RPTOR: variants seen among roughly 807,000 people sequenced by gnomAD.
RPTOR encodes regulatory associated protein of MTOR complex 1.
RPTOR carries 21 observed loss-of-function variants against 169.9 expected under a neutral mutation model. The observed-to-expected ratio is 0.12, with a 90% confidence interval of 0.09 to 0.18. RPTOR has a LOEUF of 0.18. RPTOR is among the 10% of genes least tolerant of loss of function. The probability of loss-of-function intolerance (pLI) is 1.00; values close to 1 mark genes in which losing one functional copy is unlikely to be tolerated. For synonymous variants in RPTOR, 732 were observed against 753.2 expected, an observed-to-expected ratio of 0.97 and a Z score of 0.46; for missense variants, 1,133 against 1,855.9, an observed-to-expected ratio of 0.61 and a Z score of 7.16.
At chr17:80,639,843 A>C (rs1461138713) in intron 2 of RPTOR, among the ~76,000 whole-genome samples, 1 of 152,232 alleles carries the variant, frequency 6.6e-6, no homozygotes, top group Admixed American at 6.5e-5. Flanking sequence ...TGGGTAATCA[A>C]ACTGGGTACA....
At chr17:80,883,329 A>G (rs976340928) in intron 14 of RPTOR, 90 bp from the exon 15 acceptor site, 30 of 1,156,686 alleles carry the variant, frequency 2.6e-5, no homozygotes, top group Non-Finnish European at 3.7e-5. Flanking sequence ...CACGCGTGTC[A>G]TGAAGATTCC....
rs1449180843 is a variant in RPTOR at position 80,544,874 on chromosome 17, G to A, written c.-756G>A. The A allele has an allele frequency of 4.5e-6, 1 of 223,342 alleles. No individual in the cohort carries two copies. Among genetic ancestry groups the A allele is most frequent in the Non-Finnish European group, 9.0e-6 (1 of 111,566 alleles). 13.8% of individuals were successfully genotyped at this position (223,342 alleles called of 1,614,324 possible). ...ATGGCGTCCTCCTTGATGGGCTGAT[G>A]AGATGAGTTTCACTGTAGCTCCAAA... On this transcript the variant is annotated 5_prime_UTR_variant, in exon 1 of 34. An upstream start codon of the reference 5' UTR is lost. Transcript: ENST00000306801.
intron 20 of RPTOR, among the ~76,000 whole-genome samples, chr17:80,896,419 A>T (rs2068402153): frequency 1.5e-5 from 1 of 66,508 alleles, no homozygotes; most frequent in Non-Finnish European, 3.4e-5. Context: ...AACACCCCAC[A>T]CGGCCTCGCC....
chr17:80,856,005 C>T (rs1440937436), intron 12 of RPTOR, among the ~76,000 whole-genome samples: 2 of 152,124 alleles, frequency 1.3e-5, no homozygotes, highest in African/African-American at 4.8e-5. Context: ...CATTCTATAG[C>T]AGAGTAGTAA....
At chr17:80,961,988 A>T (rs2069348998) in intron 31 of RPTOR, among the ~76,000 whole-genome samples, 1 of 152,234 alleles carries the variant, frequency 6.6e-6, no homozygotes, top group African/African-American at 2.4e-5. Context: ...AAAACCAAAC[A>T]TAACTCTTGG....
chr17:80,864,595 A>G (rs935989152), intron 13 of RPTOR, among the ~76,000 whole-genome samples: 1 of 151,920 alleles, frequency 6.6e-6, no homozygotes, highest in Non-Finnish European at 1.5e-5. Flanking sequence ...AAAGACATAC[A>G]AAAGATGAAA....
chr17:80,814,904 T>C (rs1351091511), intron 7 of RPTOR, among the ~76,000 whole-genome samples: 1 of 151,736 alleles, frequency 6.6e-6, no homozygotes, highest in Non-Finnish European at 1.5e-5. Flanking sequence ...CCCAGGGGAG[T>C]GTCCTGAGAG....
chr17:80,724,239 C>G (rs142789825), intron 4 of RPTOR, among the ~76,000 whole-genome samples: 1 of 151,102 alleles, frequency 6.6e-6, no homozygotes, highest in Non-Finnish European at 1.5e-5. Flanking sequence ...CCCCTTGGAG[C>G]CTGTCTCCTG....
At chr17:80,696,173 G>T (rs1486780311) in intron 3 of RPTOR, among the ~76,000 whole-genome samples, 2 of 152,212 alleles carry the variant, frequency 1.3e-5, no homozygotes, top group Non-Finnish European at 2.9e-5. Flanking sequence ...GACAAGATAA[G>T]TGGCAGCTTT....
At chr17:80,891,863 G>C in intron 18 of RPTOR, 26 bp downstream of exon 18, 1 of 1,514,218 alleles carries the variant, frequency 6.6e-7, no homozygotes, top group South Asian at 1.1e-5. Flanking sequence ...CTGTGAACCC[G>C]CAGAGCACCT....
intron 9 of RPTOR, among the ~76,000 whole-genome samples, chr17:80,835,617 G>A (rs558062163): frequency 3.3e-5 from 5 of 152,210 alleles, no homozygotes; most frequent in African/African-American, 1.2e-4. Flanking sequence ...GCCACAGGTG[G>A]ACAGTTCCCC....
intron 10 of RPTOR, among the ~76,000 whole-genome samples, chr17:80,843,083 C>T (rs1047345300): frequency 6.6e-6 from 1 of 152,170 alleles, no homozygotes; most frequent in Admixed American, 6.5e-5. Context: ...ACTTTTGGTC[C>T]TTTGCATTTC....
intron 1 of RPTOR, chr17:80,602,937 C>T (rs2143457110): frequency 2.4e-6 from 1 of 410,900 alleles, no homozygotes; most frequent in South Asian, 2.4e-5. Flanking sequence ...TCTGCCGGGT[C>T]CAAGTTGGAA....
intron 1 of RPTOR, among the ~76,000 whole-genome samples, chr17:80,584,872 G>A (rs529963422): frequency 1.3e-5 from 2 of 152,316 alleles, no homozygotes; most frequent in South Asian, 4.1e-4. Context: ...AAATGATCTT[G>A]GATGTGTTGG....
intron 3 of RPTOR, among the ~76,000 whole-genome samples, chr17:80,685,627 A>ATATATATT (rs1269766086): frequency 9.8e-5 from 3 of 30,692 alleles, no homozygotes; most frequent in African/African-American, 1.7e-4. Context: ...ATATATATAT[A>ATATATATT]TTTTTTTTTT....
intron 3 of RPTOR, among the ~76,000 whole-genome samples, chr17:80,685,331 A>C (rs1203832838): frequency 6.6e-6 from 1 of 151,826 alleles, no homozygotes; most frequent in Non-Finnish European, 1.5e-5. Flanking sequence ...GCTGGAGTGC[A>C]GTGGTGTGAT....
chr17:80,741,786 C>T (rs2066484214), intron 5 of RPTOR, among the ~76,000 whole-genome samples: 1 of 152,156 alleles, frequency 6.6e-6, no homozygotes, highest in Non-Finnish European at 1.5e-5. Context: ...GACGAGCCCC[C>T]ATGTGGTTCG....
At chr17:80,962,324 C>T in intron 31 of RPTOR, 137 bp from the exon 32 acceptor site, 1 of 708,066 alleles carries the variant, frequency 1.4e-6, no homozygotes, top group Middle Eastern at 3.6e-4. Context: ...GGACGCTGAG[C>T]ATCCAGGCAG....
chr17:80,943,436 C>A (rs1228997896), intron 25 of RPTOR, among the ~76,000 whole-genome samples: 8 of 152,138 alleles, frequency 5.3e-5, no homozygotes, highest in Non-Finnish European at 1.2e-4. Context: ...AAGGAAAAAA[C>A]GGGAAACAGG....
Sources: allele counts gnomAD v4.1 joint callset (sites outside exome capture counted in the v4.1 genomes callset), GRCh38; gene constraint gnomAD v4.1.1; transcripts MANE v1.5; gene names NCBI Gene and HGNC (gene_info 2026-07-23, HGNC 2026-07-21).